Variants in INPP5A observed in about 807,000 individuals in gnomAD.
INPP5A encodes 43 kDa inositol polyphosphate 5-phophatase.
Under a neutral mutation model 65.2 loss-of-function variants are expected in INPP5A, and 14 were observed. The observed-to-expected ratio is 0.21, with a 90% CI of 0.14 to 0.34. INPP5A has a LOEUF of 0.34. INPP5A is among the 10% of genes least tolerant of loss of function. INPP5A has a pLI of 1.00. For synonymous variants in INPP5A, 207 were observed against 208.3 expected (o/e 0.99, Z 0.05); for missense variants, 431 against 545.6 (o/e 0.79, Z 2.09).
At chr10:132,600,244 C>T (rs1237089981) in intron 1 of INPP5A, among the ~76,000 whole-genome samples, 1 of 152,218 alleles carries the variant, frequency 6.6e-6, no homozygotes, top group African/African-American at 2.4e-5. Flanking sequence ...ACTGAAGTCA[C>T]TTCTTGAATG....
chr10:132,761,186 C>T (rs868708986), intron 11 of INPP5A, among the ~76,000 whole-genome samples: 2 of 152,186 alleles, frequency 1.3e-5, no homozygotes, highest in Non-Finnish European at 2.9e-5. Flanking sequence ...CTGGGTGGCA[C>T]GGGCCCCTGA....
At chr10:132,596,589 G>A (rs1412799974) in intron 1 of INPP5A, among the ~76,000 whole-genome samples, 3 of 152,046 alleles carry the variant, frequency 2.0e-5, no homozygotes, top group African/African-American at 7.2e-5. Flanking sequence ...CACCATGCCC[G>A]GCTAATTTTT....
chr10:132,654,234 G>A (rs143345543), intron 4 of INPP5A, among the ~76,000 whole-genome samples: 1 of 152,368 alleles, frequency 6.6e-6, no homozygotes, highest in Non-Finnish European at 1.5e-5. Context: ...AGCTCAGTGG[G>A]CTCCAGCCCC....
rs2071565520 is a variant in INPP5A at position 132,587,882 on chromosome 10, C to G, written c.76-20033C>G. On this transcript the variant is annotated intron_variant, in intron 1 of 15. Coordinates refer to ENST00000368594, the MANE Select transcript of INPP5A (RefSeq NM_005539.5). This position sits in a 1 kb window ranked among gnomAD's most constrained non-coding sequence, Gnocchi z 4.3. ...AAAAAATTAGCCGGGCATGGTGGTG[C>G]ACGCCTGTAATCCCAGCTACTTAGG... Among the ~76,000 whole-genome samples, 1 of 152,010 alleles carries G rather than the reference C, an allele frequency of 6.6e-6. No homozygotes were observed. The highest frequency in any genetic ancestry group is 2.1e-4 in the South Asian group (1 of 4,814).
intron 11 of INPP5A, among the ~76,000 whole-genome samples, chr10:132,760,789 G>A (rs1020454883): frequency 3.9e-5 from 6 of 152,160 alleles, no homozygotes. Flanking sequence ...TGTCCTTCCT[G>A]GGCGGTCCTT....
chr10:132,562,221 C>T (rs1056900608), intron 1 of INPP5A, among the ~76,000 whole-genome samples: 1 of 152,272 alleles, frequency 6.6e-6, no homozygotes, highest in Non-Finnish European at 1.5e-5. Context: ...CAGGCATGAC[C>T]TCTGCACATC....
chr10:132,767,110 C>CAG (rs1256678899), intron 12 of INPP5A, among the ~76,000 whole-genome samples: 6 of 98,070 alleles, frequency 6.1e-5, no homozygotes, highest in South Asian at 4.3e-4. Context: ...GATGCGGCCT[C>CAG]GGAGCTTGGG....
chr10:132,555,886 GT>G lies in INPP5A; in HGVS notation c.75+17718del, dbSNP rs2071119760. 6.6e-6 allele frequency among the ~76,000 whole-genome samples: 1 copy of G among 152,140 alleles called. No homozygotes were observed. Among genetic ancestry groups the G allele is most frequent in the African/African-American group, 2.4e-5 (1 of 41,422 alleles). On this transcript the variant is annotated intron_variant, in intron 1 of 15. Coordinates refer to ENST00000368594, the MANE Select transcript of INPP5A (RefSeq NM_005539.5). This position sits in a 1 kb window ranked among gnomAD's most constrained non-coding sequence, Gnocchi z 4.4. ...TCTGCGTCACAGATGAAAAACACGC[GT>G]TTCCCCTTTTCGTAAGAGGATGAAC...
intron 12 of INPP5A, among the ~76,000 whole-genome samples, chr10:132,775,829 T>C (rs1847054139): frequency 6.6e-6 from 1 of 152,196 alleles, no homozygotes. Flanking sequence ...ACGCCCTGGC[T>C]TCTCTCCGTG....
intron 8 of INPP5A, among the ~76,000 whole-genome samples, chr10:132,714,170 C>A (rs1049562164): frequency 6.6e-6 from 1 of 152,236 alleles, no homozygotes; most frequent in African/African-American, 2.4e-5. Context: ...GCTCCGCGGC[C>A]TCAAGAAAGC....
intron 8 of INPP5A, among the ~76,000 whole-genome samples, chr10:132,720,488 G>A (rs140285804): frequency 0.021 from 3,143 of 147,050 alleles, 45 homozygotes; most frequent in South Asian, 0.052. Flanking sequence ...CTGTCTGGGT[G>A]CCTTAGACAG....
chr10:132,565,607 GTGTGTGCA>G (rs1310218162), intron 1 of INPP5A, among the ~76,000 whole-genome samples: 2 of 152,056 alleles, frequency 1.3e-5, no homozygotes, highest in African/African-American at 2.4e-5. Context: ...GTATGTCACT[GTGTGTGCA>G]TGTGTGTATG....
intron 11 of INPP5A, among the ~76,000 whole-genome samples, chr10:132,750,553 T>C (rs1272747034): frequency 6.6e-6 from 1 of 152,252 alleles, no homozygotes; most frequent in East Asian, 1.9e-4. Flanking sequence ...CTTTACAATT[T>C]TTATTTTTTA....
intron 4 of INPP5A, among the ~76,000 whole-genome samples, chr10:132,657,047 T>A (rs1188080516): frequency 2.0e-5 from 3 of 152,116 alleles, no homozygotes; most frequent in Non-Finnish European, 2.9e-5. Context: ...AAGTCTGAGC[T>A]CCTTGTGTAG....
At chr10:132,597,874 T>C (rs2071726190) in intron 1 of INPP5A, among the ~76,000 whole-genome samples, 1 of 150,720 alleles carries the variant, frequency 6.6e-6, no homozygotes, top group Non-Finnish European at 1.5e-5. Context: ...GGGTCTGTGG[T>C]GCGTGTTCCG....
chr10:132,759,159 C>A (rs949712926), intron 11 of INPP5A, among the ~76,000 whole-genome samples: 11 of 152,328 alleles, frequency 7.2e-5, no homozygotes, highest in African/African-American at 2.6e-4. Context: ...CTCAGTGAGG[C>A]CATGCCCGTC....
At chr10:132,713,337 G>A (rs1008733628) in intron 8 of INPP5A, among the ~76,000 whole-genome samples, 1 of 152,048 alleles carries the variant, frequency 6.6e-6, no homozygotes, top group Non-Finnish European at 1.5e-5. Flanking sequence ...AGTAGGTGTG[G>A]CTCCAGGGGG....
rs553384230 is a variant in INPP5A, at chr10:132,606,342, C to G, written c.76-1573C>G. ...TCCCCTCCTGCCGGGTCCTCAGTGG[C>G]GGGACAGTGGCGTGGGCTGATGGCC... On this transcript the variant is annotated intron_variant, in intron 1 of 15. Coordinates refer to ENST00000368594, the MANE Select transcript of INPP5A (RefSeq NM_005539.5). 2.4e-3 allele frequency among the ~76,000 whole-genome samples: 368 copies of G among 151,870 alleles called. 1 individual carries two copies. Among genetic ancestry groups the G allele is most frequent in the African/African-American group, 8.7e-3 (358 of 41,330 alleles).
intron 12 of INPP5A, among the ~76,000 whole-genome samples, chr10:132,776,914 A>G (rs1847074342): frequency 6.6e-6 from 1 of 152,170 alleles, no homozygotes; most frequent in Non-Finnish European, 1.5e-5. Flanking sequence ...GGCGGGGGCC[A>G]ATGGCTCAGA....
Sources: allele counts gnomAD v4.1 joint callset (sites outside exome capture counted in the v4.1 genomes callset), GRCh38; gene constraint gnomAD v4.1.1; non-coding constraint Gnocchi (gnomAD v3.1); transcripts MANE v1.5; gene names NCBI Gene and HGNC (gene_info 2026-07-23, HGNC 2026-07-21).